ERAP2: variants seen among roughly 807,000 people sequenced by gnomAD.
The protein encoded by ERAP2 is endoplasmic reticulum aminopeptidase 2, also known as leukocyte-derived arginine aminopeptidase.
In ERAP2, 118 loss-of-function variants were observed where a neutral mutation model predicts 111.1. The ratio of observed to expected loss-of-function variants is 1.06; its 90% CI spans 0.92 to 1.24. The LOEUF (loss-of-function observed/expected upper bound fraction) is 1.24. Ranked by LOEUF, ERAP2 falls within the 50% of genes most tolerant of loss-of-function variation. The pLI, the probability that ERAP2 is intolerant of heterozygous loss-of-function variation, is 0.00. For synonymous variants in ERAP2, 410 were observed against 401.2 expected (o/e 1.02, Z -0.26); for missense variants, 1,131 against 1,125.8 (o/e 1.00, Z -0.07).
chr5:96,910,494 T>G (rs1786609450), intron 15 of ERAP2, among the ~76,000 whole-genome samples: 1 of 152,158 alleles, frequency 6.6e-6, no homozygotes, highest in Non-Finnish European at 1.5e-5. Context: ...AATCTATTAT[T>G]CTCTTCTTTT....
intron 1 of ERAP2, among the ~76,000 whole-genome samples, chr5:96,877,099 C>T (rs994068613): frequency 3.3e-5 from 5 of 152,160 alleles, no homozygotes; most frequent in African/African-American, 9.7e-5. Context: ...CTCAGCCTCC[C>T]GAGTAGCTAG....
At chr5:96,905,619 C>T (rs1268869366) in intron 13 of ERAP2, among the ~76,000 whole-genome samples, 3 of 152,190 alleles carry the variant, frequency 2.0e-5, no homozygotes, top group Admixed American at 2.0e-4. Flanking sequence ...CACAGTGGCT[C>T]ATGCCTGTAA....
intron 4 of ERAP2, among the ~76,000 whole-genome samples, chr5:96,887,026 C>T (rs745552813): frequency 4.1e-5 from 6 of 147,546 alleles, no homozygotes; most frequent in Non-Finnish European, 8.9e-5. Flanking sequence ...TATGGGTGTA[C>T]ATAGTAACAG....
intron 17 of ERAP2, among the ~76,000 whole-genome samples, chr5:96,913,912 C>G (rs188859505): frequency 6.6e-6 from 1 of 152,280 alleles, no homozygotes. Context: ...GGAGGTGGCA[C>G]AGTGGAGACC....
rs1785696621 is a variant in ERAP2 at position 96,903,431 on chromosome 5, A to G, written c.1883A>G (p.Asn628Ser). 2 of 1,613,776 alleles carry G rather than the reference A, an allele frequency of 1.2e-6. No individual in the cohort carries two copies. Among genetic ancestry groups the G allele is most frequent in the Admixed American group, 1.7e-5 (1 of 59,974 alleles). The change falls in exon 13 of 19, where the codon AAT (asparagine) becomes AGT (serine). Residue 628 changes from asparagine to serine, a missense_variant. By Grantham distance (46) the Asn-to-Ser change is conservative (BLOSUM62 1). Transcript: ENST00000437043. Reference sequence around the variant, plus strand: ...TGGGTGAAATTTAATGTGGACTCAAATGGTTACTACATCGTTCACTATGAG... The same window carrying G: ...TGGGTGAAATTTAATGTGGACTCAAGTGGTTACTACATCGTTCACTATGAG... ...TSWVKFNVDS[N>S]GYYIVHYEGH...
chr5:96,907,894 A>AAT (rs1554059862), intron 13 of ERAP2, among the ~76,000 whole-genome samples: 5 of 151,102 alleles, frequency 3.3e-5, no homozygotes, highest in African/African-American at 9.7e-5. Context: ...AAAAAAAAAA[A>AAT]ATATATATAT....
intron 18 of ERAP2, among the ~76,000 whole-genome samples, chr5:96,916,345 T>A (rs1025983969): frequency 2.0e-5 from 3 of 152,102 alleles, no homozygotes; most frequent in Non-Finnish European, 2.9e-5. Flanking sequence ...AGGTGAGCCC[T>A]TTTGTATTAT....
chr5:96,901,953 T>C (rs1200831546), intron 11 of ERAP2, among the ~76,000 whole-genome samples: 1 of 152,198 alleles, frequency 6.6e-6, no homozygotes, highest in African/African-American at 2.4e-5. Flanking sequence ...TTTTTGAAAA[T>C]GTGAAAGGAA....
intron 17 of ERAP2, 51 bp from the exon 18 acceptor site, chr5:96,915,637 C>T (rs745788364): frequency 1.8e-6 from 2 of 1,093,854 alleles, no homozygotes; most frequent in Non-Finnish European, 2.6e-6. Flanking sequence ...ATATAATAAA[C>T]ATAAGGTCAG....
In ERAP2 at chr5:96,886,676, G is replaced by T; in HGVS notation, c.736G>T (p.Gly246Ter). Reference sequence around the variant, plus strand: ...GTAGGTTAAGACAATTGAACTTGAAGGAGGTCTTTTGGAAGATCACTTTGA... The same window carrying T: ...GTAGGTTAAGACAATTGAACTTGAATGAGGTCTTTTGGAAGATCACTTTGA... ...MPKVKTIELEGGLLEDHFETT... is the reference protein window; with the variant it reads ...MPKVKTIELE Residue 246 changes from glycine (G) to a stop codon, truncating the protein, a stop_gained, in exon 4 of 19, where the codon GGA becomes TGA. Transcript: ENST00000437043. LOFTEE classifies it high-confidence loss of function. 6.5e-7 allele frequency: 1 copy of T among 1,546,800 alleles called. No individual in the cohort carries two copies.
In ERAP2 at chr5:96,915,686, A is replaced by C; in HGVS notation, c.2658-2A>C. ...TTCTATGGTGTTTCTTTTTATTTTC[A>C]GATTTGACTTGGGCTCATATGACAT... On this transcript the variant is annotated splice_acceptor_variant, in intron 17 of 18. Transcript: ENST00000437043. LOFTEE classifies it high-confidence loss of function. The C allele has an allele frequency of 6.6e-7, 1 of 1,508,554 alleles. No homozygotes were observed. The allele number at this position is 1,508,554 out of a possible 1,614,324, so 93.4% of individuals were successfully genotyped here. A position where few individuals can be genotyped will look rare whatever the true frequency, so the allele number is the denominator to read the frequency against.
intron 2 of ERAP2, among the ~76,000 whole-genome samples, chr5:96,882,347 A>G (rs990584966): frequency 5.3e-5 from 8 of 152,178 alleles, no homozygotes; most frequent in Non-Finnish European, 1.2e-4. Flanking sequence ...AAGCTGTAGG[A>G]CTTTCCAGCA....
chr5:96,901,135 C>G (rs191959579), intron 10 of ERAP2, among the ~76,000 whole-genome samples: 2 of 152,156 alleles, frequency 1.3e-5, no homozygotes, highest in Non-Finnish European at 2.9e-5. Flanking sequence ...CCCTCGTAAA[C>G]CACCCCTCCT....
In ERAP2 at chr5:96,891,533, T is replaced by TACAC. The variant is rs199636008; in HGVS notation, c.971-765_971-764insCACA. 5.8e-4 allele frequency among the ~76,000 whole-genome samples: 50 copies of TACAC among 85,904 alleles called. 1 individual carries two copies. In the East Asian group the frequency reaches 0.013, roughly 23 times the overall value. The allele number at this position is 85,904 out of a possible 152,430, so 56.4% of individuals were successfully genotyped here. On this transcript the variant is annotated intron_variant, in intron 5 of 18. Coordinates refer to ENST00000437043, the MANE Select transcript of ERAP2 (RefSeq NM_022350.5). ...TATATATATGCCCATATACGGTATA[T>TACAC]ATACACACACACACACACACACACA... is the stretch of plus-strand genomic sequence containing the variant.
intron 15 of ERAP2, chr5:96,910,001 C>G: frequency 2.5e-6 from 1 of 396,082 alleles, no homozygotes. Flanking sequence ...TGCAGTGGCC[C>G]ACGCCTATAA....
At chr5:96,880,747 C>G (rs1275607890) in intron 2 of ERAP2, among the ~76,000 whole-genome samples, 1 of 152,170 alleles carries the variant, frequency 6.6e-6, no homozygotes, top group Non-Finnish European at 1.5e-5. Context: ...TTGATCAAGT[C>G]ACATTCATTG....
At chr5:96,907,957 G>A (rs1786281287) in intron 13 of ERAP2, among the ~76,000 whole-genome samples, 1 of 152,036 alleles carries the variant, frequency 6.6e-6, no homozygotes, top group Non-Finnish European at 1.5e-5. Flanking sequence ...GTCTTCAGGT[G>A]AAATTTTTGA....
At chr5:96,890,224 A>G (rs1203332122) in intron 5 of ERAP2, among the ~76,000 whole-genome samples, 1 of 152,114 alleles carries the variant, frequency 6.6e-6, no homozygotes, top group African/African-American at 2.4e-5. Flanking sequence ...TGTGGAAACA[A>G]TTTTTCCACG....
intron 9 of ERAP2, among the ~76,000 whole-genome samples, chr5:96,898,583 A>AAAG (rs1785111740): frequency 1.3e-5 from 2 of 150,300 alleles, no homozygotes; most frequent in African/African-American, 4.9e-5. Context: ...AAAAAAAAAA[A>AAAG]AAAAAAAAAT....
Sources: gnomAD v4.1 joint callset for allele counts (sites outside exome capture counted in the v4.1 genomes callset) on GRCh38, gnomAD v4.1.1 for gene constraint, MANE v1.5 for transcripts, NCBI Gene and HGNC (gene_info 2026-07-23, HGNC 2026-07-21) for gene names.